Variants in LRBA observed in about 807,000 individuals in gnomAD.
LRBA encodes lipopolysaccharide-responsive and beige-like anchor protein.
LRBA carries 176 observed loss-of-function variants against 330.0 expected under a neutral mutation model. That is an observed-to-expected ratio of 0.53 (90% CI 0.47 to 0.60). The LOEUF is 0.60. LRBA is among the 20% of genes least tolerant of loss of function. LRBA has a pLI of 0.00. For missense variants in LRBA, 3,259 were observed against 3,444.8 expected, an observed-to-expected ratio of 0.95 and a Z score of 1.35; for synonymous variants, 1,230 against 1,193.0, an observed-to-expected ratio of 1.03 and a Z score of -0.64.
At chr4:150,855,665 T>C (rs1751139187) in intron 22 of LRBA, among the ~76,000 whole-genome samples, 1 of 152,116 alleles carries the variant, frequency 6.6e-6, no homozygotes, top group Admixed American at 6.6e-5. Context: ...ATTTCTCCAC[T>C]ACAATCAGAA....
intron 35 of LRBA, among the ~76,000 whole-genome samples, chr4:150,750,261 A>G (rs1475145475): frequency 6.6e-6 from 1 of 152,168 alleles, no homozygotes; most frequent in African/African-American, 2.4e-5. Flanking sequence ...GCACAGACTT[A>G]TTCACAGCTA....
chr4:150,264,943 CCAGGCA>C lies in LRBA; in HGVS notation c.*773_*778del, dbSNP rs1745119730. ...AACAACAGTGGCTCCGCCTCATTGT[CCAGGCA>C]CAGGCAAACCGCAGTAGTGAGCTTT... On this transcript the variant is annotated 3_prime_UTR_variant, in exon 57 of 57. Coordinates refer to ENST00000651943, the MANE Select transcript of LRBA (RefSeq NM_001364905.1). 6.6e-6 allele frequency: 1 copy of C among 152,636 alleles called. No individual in the cohort carries two copies. Among genetic ancestry groups the C allele is most frequent in the African/African-American group, 2.4e-5 (1 of 41,448 alleles). 9.5% of individuals were successfully genotyped at this position (152,636 alleles called of 1,614,324 possible). A position where few individuals can be genotyped will look rare whatever the true frequency, so the allele number is the denominator to read the frequency against.
intron 40 of LRBA, among the ~76,000 whole-genome samples, chr4:150,523,574 T>C (rs1008972630): frequency 6.6e-6 from 1 of 152,106 alleles, no homozygotes; most frequent in South Asian, 2.1e-4. Flanking sequence ...AGGTGAGAAA[T>C]GCTCTAGTTG....
rs1295686386 is a variant in LRBA, at chr4:150,900,022, A to C, written c.1924+27T>G. 3.9e-6 allele frequency: 6 copies of C among 1,525,430 alleles called. No homozygotes were observed. In the African/African-American group the frequency reaches 8.3e-5, roughly 21 times the overall value. 94.5% of individuals were successfully genotyped at this position (1,525,430 alleles called of 1,614,324 possible). A position where few individuals can be genotyped will look rare whatever the true frequency, so the allele number is the denominator to read the frequency against. On this transcript the variant is annotated intron_variant, in intron 14 of 56. Coordinates refer to ENST00000651943, the MANE Select transcript of LRBA (RefSeq NM_001364905.1). Reference sequence around the variant, plus strand: ...TAAATCCTGATTTGCATTTGTGTAAAGTAATATACAGACAGAAATTATATA... The same window carrying C: ...TAAATCCTGATTTGCATTTGTGTAACGTAATATACAGACAGAAATTATATA...
chr4:150,286,403 C>T (rs1267775083), intron 53 of LRBA, among the ~76,000 whole-genome samples: 2 of 152,150 alleles, frequency 1.3e-5, no homozygotes, highest in African/African-American at 2.4e-5. Flanking sequence ...AGAAAGGCCT[C>T]GCCCCTCCTT....
intron 13 of LRBA, among the ~76,000 whole-genome samples, chr4:150,903,651 G>C (rs1306547434): frequency 2.6e-5 from 4 of 152,112 alleles, no homozygotes; most frequent in Admixed American, 6.5e-5. Flanking sequence ...GAGATGGGAG[G>C]ATCACCTGAG....
intron 37 of LRBA, among the ~76,000 whole-genome samples, chr4:150,680,331 C>T (rs918434881): frequency 1.3e-5 from 2 of 152,032 alleles, no homozygotes; most frequent in African/African-American, 2.4e-5. Context: ...CTTACCAATG[C>T]AATAGTCTAG....
chr4:150,372,166 T>TA (rs1391069349), intron 47 of LRBA, among the ~76,000 whole-genome samples: 1 of 152,168 alleles, frequency 6.6e-6, no homozygotes, highest in Non-Finnish European at 1.5e-5. Context: ...ACAAAGATAA[T>TA]ACAATAAAAA....
At chr4:150,667,629 T>C (rs530364016) in intron 37 of LRBA, among the ~76,000 whole-genome samples, 1 of 152,272 alleles carries the variant, frequency 6.6e-6, no homozygotes, top group South Asian at 2.1e-4. Context: ...AGTCAGTAAT[T>C]AGATTGTGAG....
chr4:150,779,826 C>T (rs965962963), intron 34 of LRBA, among the ~76,000 whole-genome samples: 1 of 152,022 alleles, frequency 6.6e-6, no homozygotes, highest in Non-Finnish European at 1.5e-5. Flanking sequence ...AAAAAGACAA[C>T]AGAAAACAAG....
At chr4:150,916,168 C>T (rs1384022433) in intron 7 of LRBA, among the ~76,000 whole-genome samples, 4 of 152,224 alleles carry the variant, frequency 2.6e-5, no homozygotes, top group Non-Finnish European at 5.9e-5. Context: ...AAAATAAATG[C>T]CGTAGATATT....
chr4:150,374,370 C>T (rs1740910905), intron 47 of LRBA, among the ~76,000 whole-genome samples: 6 of 152,162 alleles, frequency 3.9e-5, no homozygotes, highest in Admixed American at 3.9e-4. Context: ...CTTCCAGTTG[C>T]TCATCTCAAA....
chr4:150,981,244 T>G (rs1047472145), intron 2 of LRBA, among the ~76,000 whole-genome samples: 1 of 151,582 alleles, frequency 6.6e-6, no homozygotes, highest in African/African-American at 2.4e-5. Context: ...AAACCTTGTC[T>G]CTACTAAAAA....
intron 36 of LRBA, among the ~76,000 whole-genome samples, chr4:150,724,634 T>C (rs1156628364): frequency 6.6e-6 from 1 of 152,038 alleles, no homozygotes; most frequent in Non-Finnish European, 1.5e-5. Flanking sequence ...ACAACTAAGA[T>C]AGTTAATTCA....
intron 37 of LRBA, among the ~76,000 whole-genome samples, chr4:150,621,698 T>C (rs1776307433): frequency 6.6e-6 from 1 of 152,238 alleles, no homozygotes; most frequent in Non-Finnish European, 1.5e-5. Context: ...CTTGCCTGTA[T>C]GTTCAAAATC....
intron 45 of LRBA, among the ~76,000 whole-genome samples, chr4:150,436,134 C>T (rs957383355): frequency 1.3e-5 from 2 of 152,130 alleles, no homozygotes; most frequent in African/African-American, 4.8e-5. Context: ...AACACTTAAA[C>T]ACATATTAGT....
rs72738321 is a variant in LRBA at position 150,734,451 on chromosome 4, T to C, written c.5754+807A>G. ...GAATAATTTTCAGATTTGCTGGTTG[T>C]ATAAAATTCACTTGGAAGATTTTTC... On this transcript the variant is annotated intron_variant, in intron 36 of 56. Transcript: ENST00000651943. 1.6e-3 allele frequency among the ~76,000 whole-genome samples: 243 copies of C among 152,300 alleles called. 1 individual carries two copies. The highest frequency in any genetic ancestry group is 3.6e-3 in the Admixed American group (55 of 15,288).
chr4:150,865,717 C>A (rs1488848916), intron 22 of LRBA, among the ~76,000 whole-genome samples: 6 of 134,550 alleles, frequency 4.5e-5, no homozygotes, highest in Non-Finnish European at 1.6e-5. Context: ...GCAATATATT[C>A]TTTTTTTTTT....
intron 22 of LRBA, among the ~76,000 whole-genome samples, chr4:150,863,732 T>C (rs757317822): frequency 1.1e-4 from 16 of 152,146 alleles, no homozygotes; most frequent in Non-Finnish European, 1.9e-4. Context: ...ATTCTTTCAT[T>C]ACTTACACAA....
Sources: allele counts gnomAD v4.1 joint callset (sites outside exome capture counted in the v4.1 genomes callset), GRCh38; gene constraint gnomAD v4.1.1; transcripts MANE v1.5; gene names NCBI Gene and HGNC (gene_info 2026-07-23, HGNC 2026-07-21).